Variants in ATP5MC1 observed in about 807,000 individuals in gnomAD.
ATP5MC1 encodes the protein ATP synthase membrane subunit c locus 1.
A neutral mutation model predicts 12.1 loss-of-function variants in ATP5MC1; 4 were observed. That is an observed-to-expected ratio of 0.33 (90% confidence interval 0.16 to 0.76). The LOEUF (loss-of-function observed/expected upper bound fraction) is 0.76. ATP5MC1 is among the 30% of genes least tolerant of loss of function. The pLI is 0.61. For synonymous variants in ATP5MC1, 52 were observed against 66.0 expected, an observed-to-expected ratio of 0.79 and a Z score of 1.03; for missense variants, 117 against 172.1, an observed-to-expected ratio of 0.68 and a Z score of 1.79.
chr17:48,894,105 C>A, intron 2 of ATP5MC1: 1 of 404,558 alleles, frequency 2.5e-6, no homozygotes. Flanking sequence ...GGTTCTTGTT[C>A]CATTCTGAGA....
At chr17:48,895,107 A>T in intron 3 of ATP5MC1, 49 bp from the exon 4 acceptor site, 1 of 1,547,258 alleles carries the variant, frequency 6.5e-7, no homozygotes, top group Non-Finnish European at 8.8e-7. Context: ...ACCTGTCCTT[A>T]TGCCATACTA....
chr17:48,895,280 G>C lies in ATP5MC1; in HGVS notation c.242G>C (p.Gly81Ala), dbSNP rs1567772448. The change falls in exon 4 of 5, where the codon GGT becomes GCT. Residue 81 changes from glycine to alanine, a missense_variant. Transcript: ENST00000393366. ...GAGAATVGVA[G>A]SGAGIGTVFG... The stretch of plus-strand genomic sequence containing the variant: ...GGGGCAGCCACAGTTGGTGTGGCTG[G>C]TTCAGGGGCTGGCATTGGAACCGTG... 6.2e-7 allele frequency: 1 copy of C among 1,607,292 alleles called. No homozygotes were observed.
At chr17:48,893,778 G>A (rs519537) in intron 2 of ATP5MC1, 208,307 of 433,766 alleles carry the variant, frequency 0.48, 54,651 homozygotes, top group East Asian at 0.72. Context: ...CTGATGCCTA[G>A]GCTGCACCTT....
Position 48,893,462 on chromosome 17 carries a change from G to T in ATP5MC1, c.39+6G>T. The T allele has an allele frequency of 1.2e-6, 2 of 1,613,912 alleles. No individual in the cohort carries two copies. The highest frequency in any genetic ancestry group is 1.7e-6 in the Non-Finnish European group (2 of 1,180,014). On this transcript the variant is annotated splice_donor_region_variant and intron_variant, in intron 2 of 4. Transcript: ENST00000393366. ...TATTCATTTCTCCAGCTCTGGTAAG[G>T]TGCCGCGCCGCAGTGCTCTGTAGTA...
intron 3 of ATP5MC1, 103 bp from the exon 4 acceptor site, chr17:48,895,053 G>C: frequency 1.4e-6 from 2 of 1,390,580 alleles, no homozygotes; most frequent in African/African-American, 2.8e-5. Context: ...TTTGCCAACA[G>C]TTTCAGAGCT....
At chr17:48,894,701 G>C in intron 3 of ATP5MC1, 1 of 505,892 alleles carries the variant, frequency 2.0e-6, no homozygotes, top group Non-Finnish European at 3.6e-6. Context: ...CCCAGAGGTC[G>C]AGACTGCTGT....
rs1203951685 is a variant in ATP5MC1 at position 48,895,180 on chromosome 17, C to CA, written c.143dup (p.Val49GlyfsTer16). On this transcript the variant is annotated frameshift_variant, in exon 4 of 5. Coordinates refer to ENST00000393366, the MANE Select transcript of ATP5MC1 (RefSeq NM_005175.3). LOFTEE classifies it high-confidence loss of function. ...GCCTTCCTACAGCAACTTCCCACTC[C>CA]AGGTGGCCAGACGGGAGTTCCAGAC... 5 of 1,607,522 alleles carry CA rather than the reference C, an allele frequency of 3.1e-6. No individual in the cohort carries two copies. The highest frequency in any genetic ancestry group is 4.3e-6 in the Non-Finnish European group (5 of 1,174,790).
In ATP5MC1 at chr17:48,894,469, C is replaced by T. The variant is rs938194916; in HGVS notation, c.117+20C>T. 2 of 1,610,362 alleles carry T rather than the reference C, an allele frequency of 1.2e-6. No individual in the cohort carries two copies. Among genetic ancestry groups the T allele is most frequent in the South Asian group, 1.1e-5 (1 of 90,936 alleles). On this transcript the variant is annotated intron_variant, in intron 3 of 4. Coordinates refer to ENST00000393366, the MANE Select transcript of ATP5MC1 (RefSeq NM_005175.3). Reference sequence around the variant, plus strand: ...AAACAGGTAAGGGAGGAATAGCTCTCTTAGGAATGTTCCCAAGGCCCAGGA... The same window carrying T: ...AAACAGGTAAGGGAGGAATAGCTCTTTTAGGAATGTTCCCAAGGCCCAGGA...
chr17:48,894,743 A>G (rs1379300489), intron 3 of ATP5MC1: 12 of 523,654 alleles, frequency 2.3e-5, no homozygotes, highest in Non-Finnish European at 3.9e-5. Context: ...ACTGGGTGAC[A>G]GAGCAAGACC....
In ATP5MC1 at chr17:48,892,812, G is replaced by T. The variant is rs909869482; in HGVS notation, c.-108G>T. 1 of 153,318 alleles carries T rather than the reference G, an allele frequency of 6.5e-6. No individual in the cohort carries two copies. The highest frequency in any genetic ancestry group is 1.5e-5 in the Non-Finnish European group (1 of 68,730). 9.5% of individuals were successfully genotyped at this position (153,318 alleles called of 1,614,324 possible). A position where few individuals can be genotyped will look rare whatever the true frequency, so the allele number is the denominator to read the frequency against. ...AGGACACGTGGGTGGGGGAAGCTGA[G>T]CGCTGAGACCAAGGGCTAAAGCTGG... On this transcript the variant is annotated 5_prime_UTR_variant, in exon 1 of 5. Transcript: ENST00000393366.
At chr17:48,893,341 G>T (rs541725436) in intron 1 of ATP5MC1, 68 bp from the exon 2 acceptor site, 5 of 1,550,768 alleles carry the variant, frequency 3.2e-6, no homozygotes, top group Non-Finnish European at 4.4e-6. Flanking sequence ...ACGACCAAAG[G>T]TCGTCATTAT....
chr17:48,892,970 T>C (rs1598061993), intron 1 of ATP5MC1, 60 bp downstream of exon 1: 1 of 170,366 alleles, frequency 5.9e-6, no homozygotes, highest in South Asian at 1.2e-4. Context: ...TGTGGAGGGG[T>C]ATTTCCCCCC....
intron 3 of ATP5MC1, chr17:48,894,752 C>A (rs2040556727): frequency 3.8e-6 from 2 of 530,720 alleles, no homozygotes; most frequent in East Asian, 4.5e-5. Context: ...CAGAGCAAGA[C>A]CCTGACTCAT....
At chr17:48,893,736 C>A (rs892431434) in intron 2 of ATP5MC1, 2 of 517,810 alleles carry the variant, frequency 3.9e-6, no homozygotes, top group African/African-American at 3.8e-5. Flanking sequence ...AGTGGCTGCA[C>A]GTTAGAATCA....
intron 3 of ATP5MC1, 22 bp from the exon 4 acceptor site, chr17:48,895,125 GCTATCTCGC>G: frequency 6.4e-7 from 1 of 1,570,460 alleles, no homozygotes; most frequent in Non-Finnish European, 8.7e-7. Context: ...CTATCTCTCT[GCTATCTCGC>G]CTGCCTTGCT....
Position 48,895,643 on chromosome 17 carries a change from T to C in ATP5MC1, c.297-12T>C. ...CTCTCCCTCAACTGGCAATGATCTC[T>C]GTCCCTCCCAGGAACCCGTCTCTCA... On this transcript the variant is annotated splice_polypyrimidine_tract_variant and intron_variant, in intron 4 of 4. Coordinates refer to ENST00000393366, the MANE Select transcript of ATP5MC1 (RefSeq NM_005175.3). 2.5e-6 allele frequency: 4 copies of C among 1,608,968 alleles called. No homozygotes were observed. The highest frequency in any genetic ancestry group is 3.4e-6 in the Non-Finnish European group (4 of 1,175,546).
intron 2 of ATP5MC1, chr17:48,893,971 G>C (rs1290688392): frequency 4.8e-6 from 1 of 210,202 alleles, no homozygotes; most frequent in African/African-American, 2.3e-5. Context: ...TTCCGGGGCT[G>C]ACTGGCCCAC....
At chr17:48,894,165 T>C (rs2143732330) in intron 2 of ATP5MC1, 3 of 526,172 alleles carry the variant, frequency 5.7e-6, no homozygotes, top group Admixed American at 3.3e-5. Context: ...TGGTTTTGAA[T>C]GGTGAAGGTT....
chr17:48,894,795 G>T (rs752844539), intron 3 of ATP5MC1: 3 of 523,724 alleles, frequency 5.7e-6, no homozygotes, highest in Non-Finnish European at 1.1e-5. Context: ...TTTAAATCAA[G>T]GAATGTTCCC....
Sources: gnomAD v4.1 joint callset for allele counts on GRCh38, gnomAD v4.1.1 for gene constraint, MANE v1.5 for transcripts, NCBI Gene and HGNC (gene_info 2026-07-23, HGNC 2026-07-21) for gene names.